Variants in RASA3 observed in about 807,000 individuals in gnomAD.
RASA3 encodes RAS p21 protein activator 3.
A neutral mutation model predicts 110.0 loss-of-function variants in RASA3; 73 were observed. The observed-to-expected ratio is 0.66, with a 90% CI of 0.55 to 0.81. The LOEUF is 0.81. Ranked by LOEUF, RASA3 falls within the 30% of genes least tolerant of loss-of-function variation. The pLI is 0.00. For synonymous variants in RASA3, 500 were observed against 451.4 expected, an observed-to-expected ratio of 1.11 and a Z score of -1.37; for missense variants, 976 against 1,113.2, an observed-to-expected ratio of 0.88 and a Z score of 1.75.
At chr13:114,080,696 T>TGAAACAGGGGTCTCCCCCAGGGGCCACC (rs2079771321) in intron 1 of RASA3, among the ~76,000 whole-genome samples, 2 of 152,154 alleles carry the variant, frequency 1.3e-5, no homozygotes, top group Admixed American at 6.5e-5. Context: ...CAGGGGCCAC[T>TGAAACAGGGGTCTCCCCCAGGGGCCACC]GAAACAGGGG....
chr13:113,991,781 TA>T (rs1385595819), intron 22 of RASA3, among the ~76,000 whole-genome samples: 2 of 152,378 alleles, frequency 1.3e-5, no homozygotes, highest in Admixed American at 1.3e-4. Flanking sequence ...TGTACCCACA[TA>T]TATGCATGCT....
intron 21 of RASA3, among the ~76,000 whole-genome samples, chr13:113,994,431 T>A (rs1327866001): frequency 6.6e-6 from 1 of 152,116 alleles, no homozygotes; most frequent in Non-Finnish European, 1.5e-5. Context: ...AGTGAGAGCT[T>A]AAACATCTAA....
At chr13:114,052,190 A>G (rs1413980639) in intron 2 of RASA3, 35 bp from the exon 3 acceptor site, 5 of 1,464,442 alleles carry the variant, frequency 3.4e-6, no homozygotes, top group Non-Finnish European at 4.8e-6. Context: ...GTTAGAACAC[A>G]GGCCACGCTT....
At chr13:114,000,044 G>T (rs1321614017) in intron 19 of RASA3, among the ~76,000 whole-genome samples, 1 of 43,658 alleles carries the variant, frequency 2.3e-5, no homozygotes, top group African/African-American at 1.4e-4. Flanking sequence ...GGTCTCTGCT[G>T]GGGGGTTCTC....
At chr13:113,989,592 C>G (rs1384083979) in intron 22 of RASA3, among the ~76,000 whole-genome samples, 1 of 151,434 alleles carries the variant, frequency 6.6e-6, no homozygotes, top group African/African-American at 2.4e-5. Context: ...CATCACTCAC[C>G]CCAGTCCATC....
chr13:114,018,743 G>A lies in RASA3; in HGVS notation c.942+20C>T, dbSNP rs574513021. 2.2e-5 allele frequency: 36 copies of A among 1,611,776 alleles called. 1 individual carries two copies. The South Asian group carries it at 3.7e-4, about 17-fold the overall frequency. On this transcript the variant is annotated intron_variant, in intron 10 of 23. Transcript: ENST00000334062. ...TGGCACCTCCTGCCCACACCCACAG[G>A]CCACGGCGTGGACAAGCACCTCCAC...
intron 2 of RASA3, among the ~76,000 whole-genome samples, chr13:114,055,957 A>G (rs2079238135): frequency 6.6e-6 from 1 of 152,234 alleles, no homozygotes; most frequent in Non-Finnish European, 1.5e-5. Flanking sequence ...ACCGATAGCC[A>G]AGCTGCCAGA....
intron 3 of RASA3, among the ~76,000 whole-genome samples, chr13:114,047,391 A>C (rs1177599997): frequency 1.3e-5 from 2 of 152,044 alleles, no homozygotes; most frequent in Admixed American, 6.6e-5. Context: ...GAGAATAAAA[A>C]CTCACAGTCC....
chr13:114,077,669 T>G, intron 1 of RASA3: 1 of 54,178 alleles, frequency 1.8e-5, no homozygotes, highest in Non-Finnish European at 3.5e-5. Context: ...CCTCCCTCCC[T>G]GCCCAACGAT....
intron 2 of RASA3, among the ~76,000 whole-genome samples, chr13:114,052,718 G>A (rs531610272): frequency 3.5e-4 from 52 of 149,576 alleles, no homozygotes; most frequent in Non-Finnish European, 7.0e-4. Flanking sequence ...TAGAGTCCTC[G>A]CTCCTGGGGG....
At chr13:114,064,095 CT>C (rs1244988389) in intron 2 of RASA3, among the ~76,000 whole-genome samples, 1 of 152,036 alleles carries the variant, frequency 6.6e-6, no homozygotes, top group Non-Finnish European at 1.5e-5. Flanking sequence ...CTTTTTTGAA[CT>C]AAAAAAACCC....
chr13:113,992,409 C>T, intron 22 of RASA3, 76 bp downstream of exon 22: 1 of 1,195,860 alleles, frequency 8.4e-7, no homozygotes, highest in Non-Finnish European at 1.2e-6. Context: ...GGTTTTCACC[C>T]CACAGCATGC....
At chr13:114,030,740 GGTTT>G (rs1262589137) in intron 4 of RASA3, among the ~76,000 whole-genome samples, 3 of 149,624 alleles carry the variant, frequency 2.0e-5, no homozygotes, top group African/African-American at 7.4e-5. Context: ...GTGTGCGTGC[GGTTT>G]GTGTGTGCAG....
rs547155220 is a variant in RASA3, at chr13:114,027,923, C to G, written c.454G>C (p.Val152Leu). The G allele has an allele frequency of 1.2e-6, 2 of 1,613,082 alleles. No individual in the cohort carries two copies. The highest frequency in any genetic ancestry group is 1.7e-6 in the Non-Finnish European group (2 of 1,179,406). The change falls in exon 6 of 24, where the codon GTC becomes CTC. Residue 152 changes from valine to leucine, a missense_variant. Transcript: ENST00000334062. Reference protein sequence around the residue: ...VVCHKLATRIVECQGLPIVNG... With the variant: ...VVCHKLATRILECQGLPIVNG... The stretch of plus-strand genomic sequence containing the variant: ...ACGATGGGGAGGCCCTGGCACTCGA[C>G]GATGCTGAGGAGAGAAGCAGAGGCG...
intron 2 of RASA3, among the ~76,000 whole-genome samples, chr13:114,070,542 C>T (rs2079553437): frequency 6.6e-6 from 1 of 152,226 alleles, no homozygotes; most frequent in African/African-American, 2.4e-5. Flanking sequence ...TGCCCTCACA[C>T]TACAGGGGCG....
intron 21 of RASA3, among the ~76,000 whole-genome samples, chr13:113,994,663 G>A (rs373623457): frequency 3.3e-5 from 5 of 152,028 alleles, no homozygotes; most frequent in African/African-American, 1.2e-4. Flanking sequence ...GTGAGACCCC[G>A]TCTCTACAAA....
chr13:114,009,540 G>C, intron 16 of RASA3, 76 bp from the exon 17 acceptor site: 1 of 988,780 alleles, frequency 1.0e-6, no homozygotes, highest in Non-Finnish European at 1.6e-6. Flanking sequence ...AAAGCTAGAG[G>C]CAAGAACTGT....
intron 8 of RASA3, among the ~76,000 whole-genome samples, chr13:114,023,978 G>A (rs909208268): frequency 6.6e-6 from 1 of 152,180 alleles, no homozygotes; most frequent in Non-Finnish European, 1.5e-5. Flanking sequence ...GGAAGGCGGA[G>A]GGCTTAGAAC....
intron 1 of RASA3, among the ~76,000 whole-genome samples, chr13:114,116,015 G>C (rs1295519283): frequency 6.6e-6 from 1 of 152,270 alleles, no homozygotes; most frequent in Admixed American, 6.5e-5. Context: ...CTGCTGACAT[G>C]AGTGTGGATG....
Sources: allele counts gnomAD v4.1 joint callset (sites outside exome capture counted in the v4.1 genomes callset), GRCh38; gene constraint gnomAD v4.1.1; transcripts MANE v1.5; gene names NCBI Gene and HGNC (gene_info 2026-07-23, HGNC 2026-07-21).